The following RUNX1T1 variants were observed in gnomAD, a reference collection of about 807,000 sequenced individuals.
The protein encoded by RUNX1T1 is RUNX1 partner transcriptional co-repressor 1.
A neutral mutation model predicts 62.8 loss-of-function variants in RUNX1T1; 4 were observed. That is an observed-to-expected ratio of 0.06 (90% CI 0.03 to 0.15). The LOEUF is 0.15. Ranked by LOEUF, RUNX1T1 falls within the 10% of genes least tolerant of loss-of-function variation. The pLI, the probability that RUNX1T1 is intolerant of heterozygous loss-of-function variation, is 1.00. For missense variants in RUNX1T1, 508 were observed against 754.3 expected, an observed-to-expected ratio of 0.67 and a Z score of 3.82; for synonymous variants, 291 against 286.0, an observed-to-expected ratio of 1.02 and a Z score of -0.18.
At chr8:92,007,938 A>G (rs145423748) in intron 4 of RUNX1T1, among the ~76,000 whole-genome samples, 1,973 of 148,908 alleles carry the variant, frequency 0.013, 45 homozygotes, top group African/African-American at 0.046. Context: ...ACTGCACTCC[A>G]GCCTGGGTAA....
intron 10 of RUNX1T1, among the ~76,000 whole-genome samples, chr8:91,966,952 C>T (rs928852603): frequency 2.0e-5 from 3 of 152,050 alleles, no homozygotes; most frequent in Admixed American, 2.0e-4. Context: ...CAAAAACCTC[C>T]CACTCCTGCC....
chr8:91,955,846 T>C (rs1809284015), downstream of RUNX1T1: 1 of 228,240 alleles, frequency 4.4e-6, no homozygotes. Flanking sequence ...GGAGAAGGGT[T>C]TGTTTTTCAA....
chr8:91,955,142 TA>T, downstream of RUNX1T1: 3 of 215,770 alleles, frequency 1.4e-5, no homozygotes, highest in East Asian at 6.9e-5. Flanking sequence ...TCAACACTTC[TA>T]AAAAAATGGC....
intron 6 of RUNX1T1, among the ~76,000 whole-genome samples, chr8:91,988,200 C>T (rs1005021629): frequency 1.3e-5 from 2 of 152,040 alleles, no homozygotes; most frequent in Non-Finnish European, 2.9e-5. Flanking sequence ...CCACATAAAA[C>T]GATTTCATTT....
chr8:92,056,213 T>C (rs1831010377), intron 1 of RUNX1T1, among the ~76,000 whole-genome samples: 1 of 152,182 alleles, frequency 6.6e-6, no homozygotes, highest in African/African-American at 2.4e-5. Flanking sequence ...GCAATTGTCT[T>C]TTTTAAAGTT....
chr8:92,051,162 T>C (rs1466898737), intron 1 of RUNX1T1, among the ~76,000 whole-genome samples: 1 of 152,172 alleles, frequency 6.6e-6, no homozygotes, highest in Non-Finnish European at 1.5e-5. Flanking sequence ...TACAAATGCC[T>C]GGAGAGGAGG....
rs1827095739 is a variant in RUNX1T1 at position 92,034,830 on chromosome 8, A to ACC, written c.8-17468_8-17467insGG. Among the ~76,000 whole-genome samples, 3 of 150,884 alleles carry ACC rather than the reference A, an allele frequency of 2.0e-5. No individual in the cohort carries two copies. The East Asian group carries it at 5.8e-4, about 29-fold the overall frequency. On this transcript the variant is annotated intron_variant, in intron 1 of 10. Transcript: ENST00000396218. ...CACACACACACACACACACACACAC[A>ACC]CACACACCATGGAATACCACCCAGC... is the stretch of plus-strand genomic sequence containing the variant.
intron 1 of RUNX1T1, among the ~76,000 whole-genome samples, chr8:92,051,798 C>T (rs931991150): frequency 1.3e-5 from 2 of 151,952 alleles, no homozygotes; most frequent in African/African-American, 2.4e-5. Context: ...TTGCAGCATG[C>T]TAATATGCCA....
At chr8:92,021,750 A>C (rs1158303077) in intron 1 of RUNX1T1, among the ~76,000 whole-genome samples, 3 of 151,806 alleles carry the variant, frequency 2.0e-5, no homozygotes, top group Non-Finnish European at 2.9e-5. Flanking sequence ...GTGCCTACTT[A>C]TATTAGGTAC....
At chr8:91,989,946 C>T (rs1027282020) in intron 6 of RUNX1T1, among the ~76,000 whole-genome samples, 3 of 152,114 alleles carry the variant, frequency 2.0e-5, no homozygotes, top group Non-Finnish European at 4.4e-5. Flanking sequence ...ACTATATAAA[C>T]GTAGAAATTA....
At chr8:91,994,604 C>G in intron 5 of RUNX1T1, 1 of 498,558 alleles carries the variant, frequency 2.0e-6, no homozygotes, top group Non-Finnish European at 4.0e-6. Flanking sequence ...CTTAACCTCT[C>G]TGGACCTCAG....
At chr8:91,976,973 T>C (rs554712842) in intron 8 of RUNX1T1, among the ~76,000 whole-genome samples, 2 of 152,322 alleles carry the variant, frequency 1.3e-5, no homozygotes, top group South Asian at 2.1e-4. Flanking sequence ...TTGAGTAGCA[T>C]ATATTTTTAA....
chr8:91,955,858 C>T (rs1021184317), downstream of RUNX1T1: 1 of 228,220 alleles, frequency 4.4e-6, no homozygotes, highest in Non-Finnish European at 8.7e-6. Context: ...GTTTTTCAAA[C>T]TCTAACAAAC....
At chr8:92,049,272 T>A (rs1829883998) in intron 1 of RUNX1T1, among the ~76,000 whole-genome samples, 1 of 152,196 alleles carries the variant, frequency 6.6e-6, no homozygotes, top group Admixed American at 6.5e-5. Flanking sequence ...CTATCACTCT[T>A]CTAAGATGGT....
intron 10 of RUNX1T1, among the ~76,000 whole-genome samples, chr8:91,966,741 T>C (rs1002276355): frequency 2.6e-5 from 4 of 152,174 alleles, no homozygotes; most frequent in African/African-American, 9.7e-5. Context: ...AAATATATAA[T>C]CCACTGGGAA....
At chr8:91,969,746 A>G (rs1485635569) in intron 10 of RUNX1T1, among the ~76,000 whole-genome samples, 1 of 152,182 alleles carries the variant, frequency 6.6e-6, no homozygotes, top group Non-Finnish European at 1.5e-5. Context: ...AAAGCCTGGT[A>G]CAAATTAAAT....
intron 1 of RUNX1T1, among the ~76,000 whole-genome samples, chr8:92,086,623 T>G (rs1587564432): frequency 6.6e-6 from 1 of 152,180 alleles, no homozygotes. Context: ...TCTGAAGCTC[T>G]TCTCTAGAAG....
intron 1 of RUNX1T1, among the ~76,000 whole-genome samples, chr8:92,020,442 T>C (rs930977567): frequency 3.3e-5 from 5 of 152,180 alleles, no homozygotes; most frequent in South Asian, 2.1e-4. Flanking sequence ...TTTAAGTTCA[T>C]GGAAATTATA....
rs549478749 is a variant in RUNX1T1, at chr8:92,003,178, T to C, written c.659+1938A>G. On this transcript the variant is annotated intron_variant, in intron 5 of 10. Transcript: ENST00000396218. ...CCAAAGACTCTTTTTAGGAGAGTTC[T>C]ACCTGACTGAATGCATACACTGATG... 848 of 298,384 alleles carry C rather than the reference T, an allele frequency of 2.8e-3. 2 individuals are homozygous for C. Among genetic ancestry groups the C allele is most frequent in the Admixed American group, 4.8e-3 (125 of 26,112 alleles). 18.5% of individuals were successfully genotyped at this position (298,384 alleles called of 1,614,324 possible).
Sources: allele counts gnomAD v4.1 joint callset (sites outside exome capture counted in the v4.1 genomes callset), GRCh38; gene constraint gnomAD v4.1.1; transcripts MANE v1.5; gene names NCBI Gene and HGNC (gene_info 2026-07-23, HGNC 2026-07-21).